The following GRM3 variants were observed in gnomAD, a reference collection of about 807,000 sequenced individuals.
The protein encoded by GRM3 is glutamate metabotropic receptor 3.
In GRM3, 26 loss-of-function variants were observed where a neutral mutation model predicts 70.5. That is an observed-to-expected ratio of 0.37 (90% CI 0.27 to 0.51). GRM3 has a LOEUF of 0.51. Ranked by LOEUF, GRM3 falls within the 20% of genes least tolerant of loss-of-function variation. The pLI is 0.93. For synonymous variants in GRM3, 443 were observed against 434.9 expected, an observed-to-expected ratio of 1.02 and a Z score of -0.23; for missense variants, 859 against 1,123.8, an observed-to-expected ratio of 0.76 and a Z score of 3.37.
chr7:86,715,676 T>C (rs1377305123), intron 1 of GRM3, among the ~76,000 whole-genome samples: 2 of 151,964 alleles, frequency 1.3e-5, no homozygotes, highest in African/African-American at 4.8e-5. Flanking sequence ...ACTCTAAAGA[T>C]ACAAACACAT....
chr7:86,718,147 T>C (rs1311817506), intron 1 of GRM3, among the ~76,000 whole-genome samples: 1 of 152,008 alleles, frequency 6.6e-6, no homozygotes, highest in Non-Finnish European at 1.5e-5. Context: ...AAAATGGAAA[T>C]GTAGATCTGT....
At chr7:86,820,391 C>T (rs1798096121) in intron 3 of GRM3, among the ~76,000 whole-genome samples, 1 of 152,058 alleles carries the variant, frequency 6.6e-6, no homozygotes, top group Non-Finnish European at 1.5e-5. Flanking sequence ...ACTGTTACCT[C>T]TAGGTCATTA....
chr7:86,827,549 T>C (rs1798258780), intron 3 of GRM3, among the ~76,000 whole-genome samples: 1 of 151,986 alleles, frequency 6.6e-6, no homozygotes, highest in South Asian at 2.1e-4. Flanking sequence ...GTTTTGCTCT[T>C]GTCCCCCAGG....
chr7:86,848,554 A>AAT (rs1798700270), intron 4 of GRM3, among the ~76,000 whole-genome samples: 1 of 151,342 alleles, frequency 6.6e-6, no homozygotes, highest in Non-Finnish European at 1.5e-5. Flanking sequence ...TGACTGGGAG[A>AAT]TCTCTATTTT....
At chr7:86,655,955 T>G (rs1340087764) in intron 1 of GRM3, among the ~76,000 whole-genome samples, 2 of 151,952 alleles carry the variant, frequency 1.3e-5, no homozygotes, top group Non-Finnish European at 2.9e-5. Context: ...TGACCATACC[T>G]CCTCCGTTCC....
chr7:86,819,904 T>C (rs1268385211), intron 3 of GRM3, among the ~76,000 whole-genome samples: 2 of 152,222 alleles, frequency 1.3e-5, no homozygotes, highest in African/African-American at 2.4e-5. Context: ...TGCCAAATTC[T>C]AGGTGAACCT....
chr7:86,825,948 T>G (rs1017166199), intron 3 of GRM3, among the ~76,000 whole-genome samples: 2 of 152,176 alleles, frequency 1.3e-5, no homozygotes, highest in Non-Finnish European at 2.9e-5. Flanking sequence ...AGCACTTAGA[T>G]CTTCAGCACA....
At chr7:86,645,992 TG>T (rs1562811215) in intron 1 of GRM3, among the ~76,000 whole-genome samples, 269 of 6,012 alleles carry the variant, frequency 0.045, 12 homozygotes, top group African/African-American at 0.064. Context: ...GGCGGGGGGG[TG>T]GGGGTGGGGG....
At chr7:86,733,686 G>A (rs1795791017) in intron 1 of GRM3, among the ~76,000 whole-genome samples, 1 of 152,194 alleles carries the variant, frequency 6.6e-6, no homozygotes, top group Middle Eastern at 3.2e-3. Flanking sequence ...GATCTGGGGG[G>A]AGTTGGTGGG....
intron 3 of GRM3, among the ~76,000 whole-genome samples, chr7:86,806,253 T>G (rs571583817): frequency 1.6e-4 from 25 of 152,284 alleles, no homozygotes; most frequent in African/African-American, 5.8e-4. Flanking sequence ...TAATCCTTTG[T>G]GTATATACCC....
intron 1 of GRM3, among the ~76,000 whole-genome samples, chr7:86,664,922 C>T (rs1374438911): frequency 6.6e-6 from 1 of 151,984 alleles, no homozygotes; most frequent in Non-Finnish European, 1.5e-5. Context: ...ATTCAAATAC[C>T]AGAGAGGAGA....
At chr7:86,658,290 A>G (rs1793797707) in intron 1 of GRM3, among the ~76,000 whole-genome samples, 1 of 152,164 alleles carries the variant, frequency 6.6e-6, no homozygotes, top group African/African-American at 2.4e-5. Context: ...TGCTCTTGCT[A>G]TAATTGAGAC....
intron 2 of GRM3, among the ~76,000 whole-genome samples, chr7:86,765,969 C>T (rs556383212): frequency 6.6e-6 from 1 of 152,138 alleles, no homozygotes; most frequent in African/African-American, 2.4e-5. Flanking sequence ...CTCTTATCCT[C>T]CTCCTGGAAT....
At chr7:86,804,892 T>C (rs1006069446) in intron 3 of GRM3, among the ~76,000 whole-genome samples, 2 of 152,176 alleles carry the variant, frequency 1.3e-5, no homozygotes, top group African/African-American at 4.8e-5. Flanking sequence ...GCTGGAGGAT[T>C]GCTTAAGCCC....
intron 1 of GRM3, among the ~76,000 whole-genome samples, chr7:86,741,033 C>T (rs888283851): frequency 6.6e-6 from 1 of 152,180 alleles, no homozygotes; most frequent in Non-Finnish European, 1.5e-5. Context: ...AGAAAACCAT[C>T]ATCTCTCTCC....
In GRM3 at chr7:86,818,466, C is replaced by T. The variant is rs968685611; in HGVS notation, c.1325-20373C>T. Among the ~76,000 whole-genome samples the T allele has an allele frequency of 3.9e-5, 6 of 152,132 alleles. No individual in the cohort carries two copies. In the South Asian group the frequency reaches 1.0e-3, roughly 26 times the overall value. On this transcript the variant is annotated intron_variant, in intron 3 of 5. Coordinates refer to ENST00000361669, the MANE Select transcript of GRM3 (RefSeq NM_000840.3). ...GATTCTGAGACTTTCACTTACTAGT[C>T]ACATGGCTCCACCTTTTCTATGCTC...
chr7:86,822,532 C>A (rs888279903), intron 3 of GRM3, among the ~76,000 whole-genome samples: 1 of 151,856 alleles, frequency 6.6e-6, no homozygotes, highest in Admixed American at 6.6e-5. Context: ...AAAAAAAGCA[C>A]AAGTGGAAAA....
In GRM3 at chr7:86,818,760, CTTAG is replaced by C. The variant is rs765137019; in HGVS notation, c.1325-20075_1325-20072del. ...TCAATACCCAGCAGATACCTATAGTCTTAGTTACTTCCTAGCAAAATTCCCCAAA... is the reference window on the plus strand; with the variant it reads ...TCAATACCCAGCAGATACCTATAGTCTTACTTCCTAGCAAAATTCCCCAAA... On this transcript the variant is annotated intron_variant, in intron 3 of 5. Transcript: ENST00000361669. Among the ~76,000 whole-genome samples, 8 of 152,200 alleles carry C rather than the reference CTTAG, an allele frequency of 5.3e-5. No individual in the cohort carries two copies. The South Asian group carries it at 1.7e-3, about 32-fold the overall frequency.
At chr7:86,704,962 T>G (rs1211878995) in intron 1 of GRM3, among the ~76,000 whole-genome samples, 1 of 151,874 alleles carries the variant, frequency 6.6e-6, no homozygotes, top group Non-Finnish European at 1.5e-5. Flanking sequence ...ATTTCTTTAA[T>G]CTTGAGAATG....
Sources: allele counts gnomAD v4.1 joint callset (sites outside exome capture counted in the v4.1 genomes callset), GRCh38; gene constraint gnomAD v4.1.1; transcripts MANE v1.5; gene names NCBI Gene and HGNC (gene_info 2026-07-23, HGNC 2026-07-21).